Variants in HIRA observed in about 807,000 individuals in gnomAD.
The protein encoded by HIRA is protein HIRA.
HIRA carries 13 observed loss-of-function variants against 126.6 expected under a neutral mutation model. That is an observed-to-expected ratio of 0.10 (90% CI 0.07 to 0.16). The LOEUF (loss-of-function observed/expected upper bound fraction) is 0.16, where lower values mean the gene tolerates loss of function less well. Ranked by LOEUF, HIRA falls within the 10% of genes least tolerant of loss-of-function variation. The pLI, the probability that HIRA is intolerant of heterozygous loss-of-function variation, is 1.00. For synonymous variants in HIRA, 511 were observed against 520.0 expected, an observed-to-expected ratio of 0.98 and a Z score of 0.24; for missense variants, 834 against 1,314.4, an observed-to-expected ratio of 0.63 and a Z score of 5.65.
intron 7 of HIRA, among the ~76,000 whole-genome samples, chr22:19,395,222 T>G (rs543118048): frequency 6.6e-6 from 1 of 152,194 alleles, no homozygotes; most frequent in South Asian, 2.1e-4. Flanking sequence ...CCAGGGCAGC[T>G]CTAAAGACTT....
At chr22:19,355,976 C>T (rs2088807999) in intron 20 of HIRA, 111 bp from the exon 21 acceptor site, 3 of 795,902 alleles carry the variant, frequency 3.8e-6, no homozygotes, top group Non-Finnish European at 6.3e-6. Context: ...GCAGCAAATG[C>T]ATCAACACTG....
chr22:19,379,716 G>A, intron 13 of HIRA, among the ~76,000 whole-genome samples: 1 of 128,914 alleles, frequency 7.8e-6, no homozygotes, highest in South Asian at 2.5e-4. Context: ...TTTTGTTATT[G>A]GTCTTTATTA....
intron 24 of HIRA, among the ~76,000 whole-genome samples, chr22:19,341,875 C>G (rs2088633024): frequency 6.6e-6 from 1 of 152,188 alleles, no homozygotes; most frequent in East Asian, 1.9e-4. Context: ...AAAAACTCTT[C>G]TAGACATTGG....
Position 19,331,589 on chromosome 22 carries a change from G to A in HIRA, c.2938-33C>T, listed in dbSNP as rs1177045502. 3 of 1,554,990 alleles carry A rather than the reference G, an allele frequency of 1.9e-6. No homozygotes were observed. The East Asian group carries it at 6.8e-5, about 35-fold the overall frequency. ...CACAGAGTGACAGCTGAGTGCAAGT[G>A]TCAGTGAAGAGACCTAGATTGTGGG... On this transcript the variant is annotated intron_variant, in intron 24 of 24. Coordinates refer to ENST00000263208, the MANE Select transcript of HIRA (RefSeq NM_003325.4).
chr22:19,406,606 GA>G (rs1354958073), intron 4 of HIRA, among the ~76,000 whole-genome samples: 2 of 151,996 alleles, frequency 1.3e-5, no homozygotes, highest in African/African-American at 4.8e-5. Context: ...GTAGGCTGAA[GA>G]GACAGCCTCT....
chr22:19,357,909 G>A (rs2146194304), intron 18 of HIRA, among the ~76,000 whole-genome samples: 1 of 152,342 alleles, frequency 6.6e-6, no homozygotes, highest in Non-Finnish European at 1.5e-5. Flanking sequence ...CAAGTGAGAT[G>A]CTTTTGTTTA....
At chr22:19,353,654 AG>A in intron 22 of HIRA, 135 bp from the exon 23 acceptor site, 1 of 891,264 alleles carries the variant, frequency 1.1e-6, no homozygotes, top group Non-Finnish European at 1.7e-6. Flanking sequence ...TCCACTAGCC[AG>A]TCTGTTGGCA....
At chr22:19,414,275 A>T (rs535832003) in intron 1 of HIRA, among the ~76,000 whole-genome samples, 1 of 152,210 alleles carries the variant, frequency 6.6e-6, no homozygotes, top group South Asian at 2.1e-4. Context: ...TAAAGAATAC[A>T]TTAAGGAAGC....
At chr22:19,348,603 C>T (rs2088715952) in intron 24 of HIRA, among the ~76,000 whole-genome samples, 2 of 151,764 alleles carry the variant, frequency 1.3e-5, no homozygotes, top group African/African-American at 2.4e-5. Flanking sequence ...TCAAGTGATT[C>T]TCCTGCCTCA....
At chr22:19,364,717 A>C (rs1414666781) in intron 15 of HIRA, among the ~76,000 whole-genome samples, 1 of 152,130 alleles carries the variant, frequency 6.6e-6, no homozygotes, top group African/African-American at 2.4e-5. Context: ...TCCTCTCCCC[A>C]GGCCTCCCTA....
intron 10 of HIRA, 51 bp from the exon 11 acceptor site, chr22:19,387,867 CAT>C (rs2089140818): frequency 7.6e-7 from 1 of 1,308,114 alleles, no homozygotes; most frequent in Non-Finnish European, 1.1e-6. Context: ...CAGGCAGACA[CAT>C]GTGCCGCAGT....
intron 17 of HIRA, among the ~76,000 whole-genome samples, chr22:19,360,447 T>A (rs868559252): frequency 7.2e-5 from 11 of 152,224 alleles, no homozygotes; most frequent in Admixed American, 2.6e-4. Context: ...ACCCTTTGGC[T>A]TCCCTGCTTC....
At chr22:19,387,319 C>A (rs1270561221) in intron 11 of HIRA, among the ~76,000 whole-genome samples, 1 of 152,202 alleles carries the variant, frequency 6.6e-6, no homozygotes, top group Admixed American at 6.5e-5. Context: ...AAAACACATT[C>A]CCAGAGCCTG....
At chr22:19,381,552 C>A (rs771647994) in intron 13 of HIRA, among the ~76,000 whole-genome samples, 29 of 151,548 alleles carry the variant, frequency 1.9e-4, no homozygotes, top group Admixed American at 8.5e-4. Flanking sequence ...AATTTTTTTT[C>A]TTTTGATCTA....
chr22:19,366,316 C>T (rs970606687), intron 15 of HIRA, among the ~76,000 whole-genome samples: 2 of 150,228 alleles, frequency 1.3e-5, no homozygotes, highest in African/African-American at 4.9e-5. Flanking sequence ...GAGCCGAGAC[C>T]GCACCACTGC....
chr22:19,396,958 A>G lies in HIRA; in HGVS notation c.494-11T>C, dbSNP rs1430627265. 1.2e-6 allele frequency: 2 copies of G among 1,613,898 alleles called. No homozygotes were observed. Among genetic ancestry groups the G allele is most frequent in the East Asian group, 4.5e-5 (2 of 44,880 alleles). On this transcript the variant is annotated splice_polypyrimidine_tract_variant and intron_variant, in intron 6 of 24. Coordinates refer to ENST00000263208, the MANE Select transcript of HIRA (RefSeq NM_003325.4). ...GAGTAGCTAGAATTTCTGTGAAGAA[A>G]AAAGGAATGTGGAGAGGTGTTGTCT...
At chr22:19,387,871 T>C in intron 10 of HIRA, 55 bp from the exon 11 acceptor site, 2 of 1,191,354 alleles carry the variant, frequency 1.7e-6, no homozygotes, top group Non-Finnish European at 2.4e-6. Context: ...CAGACACATG[T>C]GCCGCAGTAG....
chr22:19,356,724 A>G (rs746998477), intron 19 of HIRA, among the ~76,000 whole-genome samples, 166 bp downstream of exon 19: 7 of 152,172 alleles, frequency 4.6e-5, no homozygotes, highest in Non-Finnish European at 1.0e-4. Flanking sequence ...CCCTCAGCCT[A>G]CCCAGGGCAC....
chr22:19,429,017 G>C (rs774112942), intron 1 of HIRA, among the ~76,000 whole-genome samples: 1 of 151,784 alleles, frequency 6.6e-6, no homozygotes, highest in Non-Finnish European at 1.5e-5. Flanking sequence ...CCAGGGCAGT[G>C]GTAATTTACC....
Sources: gnomAD v4.1 joint callset for allele counts (sites outside exome capture counted in the v4.1 genomes callset) on GRCh38, gnomAD v4.1.1 for gene constraint, MANE v1.5 for transcripts, NCBI Gene and HGNC (gene_info 2026-07-23, HGNC 2026-07-21) for gene names.